EXOC1L: variants seen among roughly 807,000 people sequenced by gnomAD.
EXOC1L encodes exocyst complex component 1-like.
EXOC1L carries 10 observed loss-of-function variants against 4.9 expected under a neutral mutation model. The observed-to-expected ratio is 2.02, with a 90% CI of 1.25 to 3.43. The LOEUF is 3.43. Among genes scored for constraint, EXOC1L ranks in the 30% most tolerant of loss-of-function variants. The pLI is 0.00. For missense variants in EXOC1L, 114 were observed against 59.4 expected (o/e 1.92, Z -3.02); for synonymous variants, 41 against 20.8 (o/e 1.97, Z -2.63).
chr4:55,823,225 A>T (rs1215857367), intron 1 of EXOC1L, among the ~76,000 whole-genome samples: 4 of 152,132 alleles, frequency 2.6e-5, no homozygotes, highest in African/African-American at 7.2e-5. Flanking sequence ...TGAATCAAAG[A>T]ATCTAATAAT....
intron 2 of EXOC1L, among the ~76,000 whole-genome samples, chr4:55,832,383 C>T (rs1260629489): frequency 1.3e-5 from 2 of 151,912 alleles, no homozygotes. Context: ...TTGTTCCAAC[C>T]TTTAAAATCT....
intron 1 of EXOC1L, among the ~76,000 whole-genome samples, chr4:55,827,617 A>G (rs1477621418): frequency 6.6e-6 from 1 of 152,176 alleles, no homozygotes; most frequent in Non-Finnish European, 1.5e-5. Flanking sequence ...TGACCATAAC[A>G]TGCTTTTCAT....
chr4:55,830,277 A>G (rs10213395), intron 1 of EXOC1L, among the ~76,000 whole-genome samples: 3,123 of 152,242 alleles, frequency 0.021, 126 homozygotes, highest in African/African-American at 0.071. Flanking sequence ...TCACTCTTAG[A>G]AGACAGAACC....
chr4:55,823,079 T>G (rs1719787759), intron 1 of EXOC1L, among the ~76,000 whole-genome samples: 1 of 151,734 alleles, frequency 6.6e-6, no homozygotes, highest in Admixed American at 6.6e-5. Context: ...TTTTCAGTAT[T>G]CTCATATTTC....
At chr4:55,827,940 A>T (rs899614135) in intron 1 of EXOC1L, among the ~76,000 whole-genome samples, 4 of 152,154 alleles carry the variant, frequency 2.6e-5, no homozygotes, top group African/African-American at 7.2e-5. Flanking sequence ...GTGGAGACGG[A>T]AACTTTTTAG....
chr4:55,837,374 T>C lies in EXOC1L; in HGVS notation c.*23T>C. The C allele has an allele frequency of 2.2e-6, 1 of 451,924 alleles. No homozygotes were observed. Among genetic ancestry groups the C allele is most frequent in the Non-Finnish European group, 3.9e-6 (1 of 254,488 alleles). The allele number at this position is 451,924 out of a possible 1,614,324, so 28.0% of individuals were successfully genotyped here. ...TGAAGCTGTGTACCACATTCCTTCA[T>C]CAGTGACCTATGAAAATGGTTTCCC... On this transcript the variant is annotated 3_prime_UTR_variant, in exon 3 of 3. Transcript: ENST00000636125.
In EXOC1L at chr4:55,822,436, A is replaced by C. The variant is rs549418748; in HGVS notation, c.121+2289A>C. On this transcript the variant is annotated intron_variant, in intron 1 of 2. Transcript: ENST00000636125. ...GGAACTAGCGTCCCCTACCTAGAAC[A>C]TTATCACTGGAAGTTAAAAGTAGCA... Among the ~76,000 whole-genome samples the C allele has an allele frequency of 2.6e-5, 4 of 152,306 alleles. No homozygotes were observed. In the East Asian group the frequency reaches 7.7e-4, roughly 29 times the overall value.
At chr4:55,833,467 T>G (rs1430756915) in intron 2 of EXOC1L, among the ~76,000 whole-genome samples, 1 of 151,846 alleles carries the variant, frequency 6.6e-6, no homozygotes, top group East Asian at 1.9e-4. Context: ...ATTTTTTAAT[T>G]ATTATTTTCT....
chr4:55,824,891 C>G (rs1719842836), intron 1 of EXOC1L, among the ~76,000 whole-genome samples: 1 of 152,110 alleles, frequency 6.6e-6, no homozygotes, highest in Non-Finnish European at 1.5e-5. Flanking sequence ...CAGTAACTTA[C>G]GAGACAGATT....
intron 2 of EXOC1L, among the ~76,000 whole-genome samples, chr4:55,831,958 T>G (rs1382667905): frequency 6.6e-6 from 1 of 152,070 alleles, no homozygotes; most frequent in African/African-American, 2.4e-5. Context: ...CAAGTGATTT[T>G]CACAGTCTGT....
At chr4:55,834,456 CAA>C (rs1560577402) in intron 2 of EXOC1L, among the ~76,000 whole-genome samples, 1 of 151,800 alleles carries the variant, frequency 6.6e-6, no homozygotes, top group African/African-American at 2.4e-5. Context: ...AGCATTCTAT[CAA>C]AAAAGAGAGA....
At chr4:55,830,059 T>C (rs892499901) in intron 1 of EXOC1L, among the ~76,000 whole-genome samples, 4 of 152,182 alleles carry the variant, frequency 2.6e-5, no homozygotes, top group Non-Finnish European at 5.9e-5. Context: ...CCCTGTCTTT[T>C]CAAAATTTAA....
At chr4:55,823,796 C>T (rs1195239740) in intron 1 of EXOC1L, among the ~76,000 whole-genome samples, 1 of 152,108 alleles carries the variant, frequency 6.6e-6, no homozygotes, top group Non-Finnish European at 1.5e-5. Context: ...GCAATCTCCG[C>T]CTCCTGGGCT....
chr4:55,823,301 TG>T (rs1463234517), intron 1 of EXOC1L, among the ~76,000 whole-genome samples: 3 of 152,172 alleles, frequency 2.0e-5, no homozygotes, highest in Non-Finnish European at 4.4e-5. Flanking sequence ...AAAAGGAGGT[TG>T]CTAAAAACAA....
chr4:55,836,722 G>A (rs1720174502), intron 2 of EXOC1L, among the ~76,000 whole-genome samples: 2 of 151,894 alleles, frequency 1.3e-5, no homozygotes, highest in Non-Finnish European at 2.9e-5. Flanking sequence ...TAAAAAGGGA[G>A]AGGAACCTTT....
chr4:55,828,551 G>A (rs1454140818), intron 1 of EXOC1L, among the ~76,000 whole-genome samples: 1 of 152,086 alleles, frequency 6.6e-6, no homozygotes, highest in Non-Finnish European at 1.5e-5. Context: ...TGGTTTGGGG[G>A]CCAGGCATGG....
At chr4:55,824,248 T>C (rs1278951489) in intron 1 of EXOC1L, among the ~76,000 whole-genome samples, 4 of 150,546 alleles carry the variant, frequency 2.7e-5, no homozygotes, top group African/African-American at 4.9e-5. Context: ...TCTATATTTT[T>C]TTCAAGTCTC....
In EXOC1L at chr4:55,831,298, G is replaced by T. The variant is rs901688140; in HGVS notation, c.122-36G>T. The T allele has an allele frequency of 1.7e-5, 9 of 530,882 alleles. No homozygotes were observed. In the African/African-American group the frequency reaches 1.8e-4, roughly 10 times the overall value. The allele number at this position is 530,882 out of a possible 1,614,324, so 32.9% of individuals were successfully genotyped here. A position where few individuals can be genotyped will look rare whatever the true frequency, so the allele number is the denominator to read the frequency against. Reference sequence around the variant, plus strand: ...ACTTGAATAATTTATTAGCTTCTAAGAATTTATGTAAACTAAGTATTTTTC... The same window carrying T: ...ACTTGAATAATTTATTAGCTTCTAATAATTTATGTAAACTAAGTATTTTTC... On this transcript the variant is annotated intron_variant, in intron 1 of 2. Transcript: ENST00000636125.
At chr4:55,825,721 A>G (rs1719861330) in intron 1 of EXOC1L, among the ~76,000 whole-genome samples, 1 of 152,154 alleles carries the variant, frequency 6.6e-6, no homozygotes, top group African/African-American at 2.4e-5. Flanking sequence ...TTTTCATTTT[A>G]AAGACACTCA....
Sources: allele counts gnomAD v4.1 joint callset (sites outside exome capture counted in the v4.1 genomes callset), GRCh38; gene constraint gnomAD v4.1.1; transcripts MANE v1.5; gene names NCBI Gene and HGNC (gene_info 2026-07-23, HGNC 2026-07-21).